TLN2: variants seen among roughly 807,000 people sequenced by gnomAD.
TLN2 encodes talin-2.
Under a neutral mutation model 294.7 loss-of-function variants are expected in TLN2, and 118 were observed. The observed-to-expected ratio is 0.40, with a 90% confidence interval of 0.34 to 0.47. The LOEUF is 0.47. Among genes scored for constraint, TLN2 ranks in the 20% least tolerant of loss-of-function variants. The probability of loss-of-function intolerance (pLI) is 0.84; values close to 1 mark genes in which losing one functional copy is unlikely to be tolerated. For missense variants in TLN2, 3,083 were observed against 3,282.2 expected (o/e 0.94, Z 1.48); for synonymous variants, 1,431 against 1,304.5 (o/e 1.10, Z -2.09).
At chr15:62,666,970 TC>T (rs1244615226) in intron 9 of TLN2, among the ~76,000 whole-genome samples, 1 of 152,014 alleles carries the variant, frequency 6.6e-6, no homozygotes, top group Non-Finnish European at 1.5e-5. Context: ...CATTTCTTTT[TC>T]TTTTTCTTTT....
In TLN2 at chr15:62,833,585, A is replaced by C. The variant is rs1326062475; in HGVS notation, c.7084A>C (p.Lys2362Gln). Reference protein sequence around the residue: ...SIAAATSALVKSASAAQRELV... With the variant: ...SIAAATSALVQSASAAQRELV... ...TGCTGCTGCCACAAGCGCCCTGGTC[A>C]AATCGGCCTCAGCAGCCCAGAGGGA... The change falls in exon 55 of 59, where the codon AAA becomes CAA. Residue 2362 changes from lysine to glutamine, a missense_variant. Transcript: ENST00000636159. 9 of 1,614,182 alleles carry C rather than the reference A, an allele frequency of 5.6e-6. No homozygotes were observed. The East Asian group carries it at 1.8e-4, about 32-fold the overall frequency.
chr15:62,578,318 G>C (rs1250536425), intron 1 of TLN2, among the ~76,000 whole-genome samples: 1 of 152,174 alleles, frequency 6.6e-6, no homozygotes. Flanking sequence ...TGTAATCTCA[G>C]CACTTTGGAA....
At position 62,673,902 on chromosome 15, in the gene TLN2, G is replaced by C. The variant is rs762894173; in HGVS notation, c.852+12G>C. ...AGAGGATCTTTCAGGTATTGGAAAT[G>C]TACAGAACTTTATTATTCTCCTCAC... On this transcript the variant is annotated intron_variant, in intron 10 of 58. Coordinates refer to ENST00000636159, the MANE Select transcript of TLN2 (RefSeq NM_015059.3). 1 of 1,609,368 alleles carries C rather than the reference G, an allele frequency of 6.2e-7. No homozygotes were observed. The highest frequency in any genetic ancestry group is 8.5e-7 in the Non-Finnish European group (1 of 1,176,284).
In TLN2 at chr15:62,647,404, C is replaced by T; in HGVS notation, c.94C>T (p.Arg32Ter). The T allele has an allele frequency of 1.2e-6, 2 of 1,614,162 alleles. No individual in the cohort carries two copies. Among genetic ancestry groups the T allele is most frequent in the Non-Finnish European group, 1.7e-6 (2 of 1,180,028 alleles). Residue 32 changes from arginine to a stop codon, truncating the protein, a stop_gained, in exon 4 of 59, where the codon CGA becomes TGA. Transcript: ENST00000636159. LOFTEE classifies it high-confidence loss of function. ...EPSTAVYDAC[R>*]VIRERVPEAQ... ...ATCTACAGCTGTGTACGATGCGTGT[C>T]GAGTCATTCGGGAACGGGTGCCTGA... is the stretch of plus-strand genomic sequence containing the variant.
At chr15:62,599,104 G>C (rs1205667786) in intron 2 of TLN2, among the ~76,000 whole-genome samples, 2 of 152,214 alleles carry the variant, frequency 1.3e-5, no homozygotes, top group African/African-American at 4.8e-5. Flanking sequence ...TGCTGTCTCT[G>C]TGCAAATATA....
intron 11 of TLN2, among the ~76,000 whole-genome samples, chr15:62,679,977 T>C (rs2056662025): frequency 3.3e-5 from 5 of 152,250 alleles, no homozygotes; most frequent in Admixed American, 3.3e-4. Context: ...TTTCAAAATC[T>C]AGTTCAGCAC....
At chr15:62,709,705 A>G (rs1310819236) in intron 21 of TLN2, among the ~76,000 whole-genome samples, 3 of 151,424 alleles carry the variant, frequency 2.0e-5, no homozygotes, top group East Asian at 2.0e-4. Context: ...TTCATTTTAT[A>G]TATCTTAAAG....
Position 62,767,114 on chromosome 15 carries a change from A to G in TLN2, c.5196+692A>G, listed in dbSNP as rs906888519. On this transcript the variant is annotated intron_variant, in intron 41 of 58. Coordinates refer to ENST00000636159, the MANE Select transcript of TLN2 (RefSeq NM_015059.3). ...GCATTTTATCAGTGCAGCTATCAGTATAGATGTACATAGGAAGAAATACAG... is the reference window on the plus strand; with the variant it reads ...GCATTTTATCAGTGCAGCTATCAGTGTAGATGTACATAGGAAGAAATACAG... 2.6e-5 allele frequency among the ~76,000 whole-genome samples: 4 copies of G among 152,332 alleles called. No homozygotes were observed. In the East Asian group the frequency reaches 7.7e-4, roughly 29 times the overall value.
At chr15:62,592,878 T>G (rs1232793288) in intron 2 of TLN2, among the ~76,000 whole-genome samples, 1 of 152,246 alleles carries the variant, frequency 6.6e-6, no homozygotes, top group African/African-American at 2.4e-5. Context: ...GGGGGAATGA[T>G]AAATGATTTG....
At chr15:62,434,190 T>C (rs1390250637) in intron 1 of TLN2, among the ~76,000 whole-genome samples, 2 of 152,188 alleles carry the variant, frequency 1.3e-5, no homozygotes, top group Admixed American at 6.5e-5. Context: ...CAACCACTGT[T>C]AGTGGTATTT....
chr15:62,799,451 G>T (rs893236079), intron 48 of TLN2, among the ~76,000 whole-genome samples: 1 of 152,134 alleles, frequency 6.6e-6, no homozygotes, highest in Non-Finnish European at 1.5e-5. Context: ...CTCTAAATCC[G>T]GCACTTTGAA....
At chr15:62,798,316 C>T (rs754273160) in intron 48 of TLN2, among the ~76,000 whole-genome samples, 1 of 152,180 alleles carries the variant, frequency 6.6e-6, no homozygotes, top group Non-Finnish European at 1.5e-5. Context: ...TTGGCAATTT[C>T]ATTGAGATTA....
At chr15:62,666,445 C>G (rs1403299049) in intron 9 of TLN2, among the ~76,000 whole-genome samples, 3 of 152,126 alleles carry the variant, frequency 2.0e-5, no homozygotes, top group Non-Finnish European at 4.4e-5. Flanking sequence ...CCAGAGCATG[C>G]CACCCATACC....
chr15:62,719,086 T>G (rs2059964675), intron 24 of TLN2, among the ~76,000 whole-genome samples: 1 of 152,128 alleles, frequency 6.6e-6, no homozygotes, highest in Non-Finnish European at 1.5e-5. Flanking sequence ...GAGAGCCTCA[T>G]TAACCAGAGA....
At chr15:62,555,882 A>C (rs1175336270) in intron 1 of TLN2, among the ~76,000 whole-genome samples, 2 of 148,494 alleles carry the variant, frequency 1.3e-5, no homozygotes, top group African/African-American at 4.9e-5. Flanking sequence ...GTAGCTTTGT[A>C]CTATATTTGA....
chr15:62,702,917 G>A, intron 19 of TLN2, 53 bp downstream of exon 19: 2 of 1,504,718 alleles, frequency 1.3e-6, no homozygotes. Context: ...TGATGGTCTA[G>A]ACCCGAGCAG....
intron 1 of TLN2, among the ~76,000 whole-genome samples, chr15:62,539,273 G>A (rs886209359): frequency 1.3e-5 from 2 of 152,182 alleles, no homozygotes; most frequent in African/African-American, 2.4e-5. Context: ...AGTGGGAGAA[G>A]GTTGTCCTGT....
At chr15:62,700,540 C>T (rs2058649575) in intron 16 of TLN2, among the ~76,000 whole-genome samples, 1 of 152,148 alleles carries the variant, frequency 6.6e-6, no homozygotes, top group Non-Finnish European at 1.5e-5. Flanking sequence ...AGTGGTAGAT[C>T]TGGATCCAGA....
intron 57 of TLN2, 61 bp downstream of exon 57, chr15:62,836,134 G>T: frequency 6.5e-7 from 1 of 1,542,128 alleles, no homozygotes. Context: ...TGTCACCAGA[G>T]GGGACAAGCC....
Sources: gnomAD v4.1 joint callset for allele counts (sites outside exome capture counted in the v4.1 genomes callset) on GRCh38, gnomAD v4.1.1 for gene constraint, MANE v1.5 for transcripts, NCBI Gene and HGNC (gene_info 2026-07-23, HGNC 2026-07-21) for gene names.